The following XKR4 variants were observed in gnomAD, a reference collection of about 807,000 sequenced individuals.
XKR4 encodes the protein XK related 4.
XKR4 carries 12 observed loss-of-function variants against 53.9 expected under a neutral mutation model. The ratio of observed to expected loss-of-function variants is 0.22; its 90% confidence interval spans 0.14 to 0.36. XKR4 has a LOEUF of 0.36. XKR4 is among the 10% of genes least tolerant of loss of function. The probability of loss-of-function intolerance (pLI) is 1.00; values close to 1 mark genes in which losing one functional copy is unlikely to be tolerated. For missense variants in XKR4, 799 were observed against 859.5 expected (o/e 0.93, Z 0.88); for synonymous variants, 354 against 362.4 (o/e 0.98, Z 0.26).
At chr8:55,317,093 T>C (rs1036843682) in intron 1 of XKR4, among the ~76,000 whole-genome samples, 1 of 152,180 alleles carries the variant, frequency 6.6e-6, no homozygotes, top group African/African-American at 2.4e-5. Context: ...TATGCCAAAG[T>C]GTACATAGAC....
At chr8:55,501,778 T>C (rs1806442334) in intron 2 of XKR4, among the ~76,000 whole-genome samples, 1 of 152,216 alleles carries the variant, frequency 6.6e-6, no homozygotes, top group African/African-American at 2.4e-5. Context: ...TGAGTAATGC[T>C]GTTATGAACA....
chr8:55,172,277 T>G (rs1817171680), intron 1 of XKR4, among the ~76,000 whole-genome samples: 1 of 152,066 alleles, frequency 6.6e-6, no homozygotes, highest in Non-Finnish European at 1.5e-5. Context: ...CTACTCACCT[T>G]TTCTCTGCCT....
At chr8:55,137,609 C>T (rs1335411067) in intron 1 of XKR4, among the ~76,000 whole-genome samples, 1 of 143,062 alleles carries the variant, frequency 7.0e-6, no homozygotes. Flanking sequence ...GGGGCTTGCT[C>T]TGTTGCCCAG....
At position 55,490,696 on chromosome 8, in the gene XKR4, G is replaced by A. The variant is rs562236164; in HGVS notation, c.1007-32585G>A. ...AGCAGTCATCTTTGTTCCTGTGTAC[G>A]TGACATGTTTTTTTTAATTACTTTT... On this transcript the variant is annotated intron_variant, in intron 2 of 2. Coordinates refer to ENST00000327381, the MANE Select transcript of XKR4 (RefSeq NM_052898.2). Among the ~76,000 whole-genome samples, 7 of 152,194 alleles carry A rather than the reference G, an allele frequency of 4.6e-5. No homozygotes were observed. In the South Asian group the frequency reaches 1.0e-3, roughly 23 times the overall value.
intron 1 of XKR4, among the ~76,000 whole-genome samples, chr8:55,300,887 G>A (rs1009094759): frequency 6.6e-6 from 1 of 152,076 alleles, no homozygotes; most frequent in Non-Finnish European, 1.5e-5. Context: ...TACACTATAA[G>A]GCTAAGAGTA....
chr8:55,491,312 G>A lies in XKR4; in HGVS notation c.1007-31969G>A, dbSNP rs555987310. ...TATTATTTCAGGTTATGTTTCTATC[G>A]GCTGATTTTTCTCTGGGTTATTGGT... On this transcript the variant is annotated intron_variant, in intron 2 of 2. Coordinates refer to ENST00000327381, the MANE Select transcript of XKR4 (RefSeq NM_052898.2). Among the ~76,000 whole-genome samples the A allele has an allele frequency of 6.6e-5, 10 of 152,026 alleles. No individual in the cohort carries two copies. In the South Asian group the frequency reaches 8.3e-4, roughly 13 times the overall value.
At chr8:55,492,010 A>G (rs1585603874) in intron 2 of XKR4, among the ~76,000 whole-genome samples, 1 of 152,350 alleles carries the variant, frequency 6.6e-6, no homozygotes, top group East Asian at 1.9e-4. Flanking sequence ...CACAAAGTTC[A>G]GCCATCTCAG....
chr8:55,397,748 T>C (rs116817943), intron 2 of XKR4, among the ~76,000 whole-genome samples: 4,181 of 152,242 alleles, frequency 0.027, 171 homozygotes, highest in African/African-American at 0.095. Context: ...AGCTAAGCCC[T>C]TCATCAATGG....
At chr8:55,183,431 A>T (rs1817339914) in intron 1 of XKR4, among the ~76,000 whole-genome samples, 1 of 151,656 alleles carries the variant, frequency 6.6e-6, no homozygotes, top group Admixed American at 6.6e-5. Flanking sequence ...ATGTATGTTC[A>T]TTGTTCATTT....
At chr8:55,295,055 T>C (rs1337686687) in intron 1 of XKR4, among the ~76,000 whole-genome samples, 2 of 152,176 alleles carry the variant, frequency 1.3e-5, no homozygotes, top group Non-Finnish European at 2.9e-5. Context: ...ATGATAAAAA[T>C]AATCTACAAA....
In XKR4 at chr8:55,115,594, C is replaced by A. The variant is rs182727189; in HGVS notation, c.806+12300C>A. The stretch of plus-strand genomic sequence containing the variant: ...GGTCAAGAGATCGAGACCATCCTGG[C>A]CAACATGGTGAAACCTCATCTCTAC... On this transcript the variant is annotated intron_variant, in intron 1 of 2. Coordinates refer to ENST00000327381, the MANE Select transcript of XKR4 (RefSeq NM_052898.2). 8.5e-5 allele frequency among the ~76,000 whole-genome samples: 13 copies of A among 152,178 alleles called. No individual in the cohort carries two copies. The East Asian group carries it at 2.5e-3, about 29-fold the overall frequency.
intron 1 of XKR4, among the ~76,000 whole-genome samples, chr8:55,159,657 C>T (rs1013028313): frequency 1.3e-5 from 2 of 151,984 alleles, no homozygotes; most frequent in African/African-American, 4.8e-5. Context: ...TACAAATGAC[C>T]CTATAAAACA....
chr8:55,437,961 AAAAAAG>A (rs1310424319), intron 2 of XKR4, among the ~76,000 whole-genome samples: 4 of 118,118 alleles, frequency 3.4e-5, no homozygotes, highest in Non-Finnish European at 6.9e-5. Context: ...AAACAAAAAA[AAAAAAG>A]AAGAAGAAGA....
intron 1 of XKR4, among the ~76,000 whole-genome samples, chr8:55,261,858 A>C (rs749746566): frequency 6.6e-6 from 1 of 152,084 alleles, no homozygotes; most frequent in Non-Finnish European, 1.5e-5. Flanking sequence ...TCATCTAAGA[A>C]AGAAAAGGGA....
intron 1 of XKR4, among the ~76,000 whole-genome samples, chr8:55,234,222 AC>A (rs1334261891): frequency 1.3e-5 from 2 of 152,162 alleles, no homozygotes; most frequent in Non-Finnish European, 2.9e-5. Flanking sequence ...TCAGCCTTAT[AC>A]CCACCCTATA....
At chr8:55,262,356 A>G (rs370465865) in intron 1 of XKR4, among the ~76,000 whole-genome samples, 6 of 152,344 alleles carry the variant, frequency 3.9e-5, no homozygotes, top group South Asian at 4.1e-4. Context: ...AAGACAAAAT[A>G]TCTAATAAGT....
intron 1 of XKR4, among the ~76,000 whole-genome samples, chr8:55,210,179 G>C (rs768189612): frequency 1.3e-5 from 2 of 151,480 alleles, no homozygotes; most frequent in South Asian, 2.1e-4. Context: ...CCGCCTACTG[G>C]GTTCAAATGA....
intron 1 of XKR4, among the ~76,000 whole-genome samples, chr8:55,205,130 A>G (rs887937164): frequency 6.6e-6 from 1 of 152,224 alleles, no homozygotes; most frequent in Admixed American, 6.5e-5. Context: ...GTGCTTTCTT[A>G]TATTTACTAA....
chr8:55,299,709 G>T (rs1357110417), intron 1 of XKR4, among the ~76,000 whole-genome samples: 2 of 152,102 alleles, frequency 1.3e-5, no homozygotes, highest in East Asian at 3.9e-4. Flanking sequence ...AACAGGAAGG[G>T]CCAGGGTGAC....
Sources: gnomAD v4.1 joint callset for allele counts (sites outside exome capture counted in the v4.1 genomes callset) on GRCh38, gnomAD v4.1.1 for gene constraint, MANE v1.5 for transcripts, NCBI Gene and HGNC (gene_info 2026-07-23, HGNC 2026-07-21) for gene names.